Variants in TNRC6B observed in about 807,000 individuals in gnomAD.
TNRC6B encodes the protein trinucleotide repeat-containing gene 6B protein.
TNRC6B carries 52 observed loss-of-function variants against 203.6 expected under a neutral mutation model. The ratio of observed to expected loss-of-function variants is 0.26; its 90% CI spans 0.20 to 0.32. The LOEUF is 0.32. Ranked by LOEUF, TNRC6B falls within the 10% of genes least tolerant of loss-of-function variation. The probability of loss-of-function intolerance (pLI) is 1.00; values close to 1 mark genes in which losing one functional copy is unlikely to be tolerated. For synonymous variants in TNRC6B, 838 were observed against 845.7 expected (o/e 0.99, Z 0.16); for missense variants, 1,923 against 2,286.2 (o/e 0.84, Z 3.24).
chr22:40,048,571 C>G lies in TNRC6B; in HGVS notation c.-121+3573C>G, dbSNP rs1256033266. Among the ~76,000 whole-genome samples, 5 of 151,874 alleles carry G rather than the reference C, an allele frequency of 3.3e-5. No homozygotes were observed. The East Asian group carries it at 9.7e-4, about 29-fold the overall frequency. ...AAAAAAAAAAAAAATTTCCAAAACT[C>G]TCTCTTCAGGTTTCATCCTTTTCTG... is the stretch of plus-strand genomic sequence containing the variant. On this transcript the variant is annotated intron_variant, in intron 1 of 23. Transcript: ENST00000301923.
chr22:40,287,661 A>G (rs942390146), intron 12 of TNRC6B, among the ~76,000 whole-genome samples: 4 of 152,194 alleles, frequency 2.6e-5, no homozygotes, highest in African/African-American at 7.2e-5. Context: ...TGGAGCATAC[A>G]CATACTTTAC....
intron 15 of TNRC6B, 86 bp downstream of exon 15, chr22:40,301,419 T>C: frequency 7.4e-7 from 1 of 1,356,052 alleles, no homozygotes; most frequent in Non-Finnish European, 1.0e-6. Context: ...TACCCTCCTT[T>C]TTTATGTCAG....
chr22:40,274,311 G>A lies in TNRC6B; in HGVS notation c.3141+711G>A, dbSNP rs536426780. ...TGGCTTCTCCCGCGGCAATCAGCAC[G>A]TCTTGATTTTATCTGATTTGGGAAA... On this transcript the variant is annotated intron_variant, in intron 7 of 22. Coordinates refer to ENST00000454349, the MANE Select transcript of TNRC6B (RefSeq NM_001162501.2). Among the ~76,000 whole-genome samples, 321 of 152,208 alleles carry A rather than the reference G, an allele frequency of 2.1e-3. 1 individual carries two copies. The highest frequency in any genetic ancestry group is 3.7e-3 in the Non-Finnish European group (254 of 68,024).
At position 40,266,555 on chromosome 22, in the gene TNRC6B, A is replaced by G. The variant is rs2070483165; in HGVS notation, c.2325A>G (p.Gly775=). 1 of 1,613,626 alleles carries G rather than the reference A, an allele frequency of 6.2e-7. No homozygotes were observed. The highest frequency in any genetic ancestry group is 1.7e-5 in the Admixed American group (1 of 59,954). The part of the protein sequence containing the change: ...ASKPVSGWGE[G]GQNEIGTWGN... ...AACCTGTGTCTGGGTGGGGTGAAGG[A>G]GGGCAGAATGAAATCGGGACTTGGG... Residue 775 remains glycine, a synonymous_variant, in exon 5 of 23, where the codon GGA becomes GGG. Coordinates refer to ENST00000454349, the MANE Select transcript of TNRC6B (RefSeq NM_001162501.2).
chr22:40,130,294 C>T (rs901839783), intron 3 of TNRC6B, among the ~76,000 whole-genome samples: 11 of 152,012 alleles, frequency 7.2e-5, no homozygotes, highest in African/African-American at 2.7e-4. Context: ...TGTTTAATGG[C>T]GGAGGGAGTT....
At chr22:40,084,159 A>G (rs1440533112) in intron 1 of TNRC6B, among the ~76,000 whole-genome samples, 1 of 152,210 alleles carries the variant, frequency 6.6e-6, no homozygotes, top group African/African-American at 2.4e-5. Context: ...AGTGATTATA[A>G]TGATTAACTA....
chr22:40,210,527 A>G (rs1448718973), intron 1 of TNRC6B, among the ~76,000 whole-genome samples: 1 of 152,200 alleles, frequency 6.6e-6, no homozygotes, highest in South Asian at 2.1e-4. Context: ...AACTGTTAAC[A>G]CTTTGGTAAA....
intron 3 of TNRC6B, chr22:40,253,532 C>T: frequency 2.2e-6 from 1 of 452,966 alleles, no homozygotes; most frequent in Admixed American, 2.4e-5. Flanking sequence ...TGGGGGCTTT[C>T]TCATACCTAC....
At chr22:40,098,554 A>T (rs2068205856) in intron 1 of TNRC6B, among the ~76,000 whole-genome samples, 1 of 152,086 alleles carries the variant, frequency 6.6e-6, no homozygotes, top group African/African-American at 2.4e-5. Flanking sequence ...TTTTAATCAA[A>T]ATTGTTCTAA....
chr22:40,271,069 A>G (rs937081735), intron 6 of TNRC6B, among the ~76,000 whole-genome samples: 6 of 152,146 alleles, frequency 3.9e-5, no homozygotes, highest in Admixed American at 6.5e-5. Context: ...TTTCACTTCA[A>G]TTTTTTAAAT....
rs541907599 is a variant in TNRC6B at position 40,178,870 on chromosome 22, A to G, written c.5+730A>G. On this transcript the variant is annotated intron_variant, in intron 1 of 22. Coordinates refer to ENST00000454349, the MANE Select transcript of TNRC6B (RefSeq NM_001162501.2). ...CTGGATTCAACCAAAGGGTAGGACT[A>G]TGTTGTAAACATGGTGTTTTAAAGA... 7.9e-5 allele frequency among the ~76,000 whole-genome samples: 12 copies of G among 152,324 alleles called. No homozygotes were observed. The South Asian group carries it at 1.9e-3, about 24-fold the overall frequency.
At chr22:40,170,819 G>GTGTGTATATATACATATATGTACATATA (rs2068981789) in intron 4 of TNRC6B, among the ~76,000 whole-genome samples, 5 of 33,646 alleles carry the variant, frequency 1.5e-4, no homozygotes, top group Admixed American at 5.9e-4. Context: ...GTACATATAT[G>GTGTGTATATATACATATATGTACATATA]TGTGTGTATA....
At chr22:40,052,353 G>A (rs1310762794) in intron 1 of TNRC6B, among the ~76,000 whole-genome samples, 1 of 151,376 alleles carries the variant, frequency 6.6e-6, no homozygotes, top group Non-Finnish European at 1.5e-5. Flanking sequence ...AATAAGAATC[G>A]GTGTCTGATG....
At chr22:40,267,058 C>T (rs1486288528) in intron 5 of TNRC6B, 22 bp downstream of exon 5, 2 of 1,516,978 alleles carry the variant, frequency 1.3e-6, no homozygotes, top group East Asian at 2.3e-5. Context: ...CTTTCTCTTG[C>T]AGCTTTTGAT....
intron 5 of TNRC6B, among the ~76,000 whole-genome samples, chr22:40,268,640 G>C (rs150804670): frequency 1.1e-4 from 17 of 152,108 alleles, no homozygotes; most frequent in African/African-American, 3.9e-4. Context: ...GGCCAGGCGC[G>C]GTGGCTCACG....
intron 4 of TNRC6B, among the ~76,000 whole-genome samples, chr22:40,163,357 C>G (rs999638254): frequency 2.0e-4 from 29 of 142,434 alleles, no homozygotes; most frequent in African/African-American, 7.1e-4. Context: ...AAGATCACAC[C>G]ACTGCACTCT....
At chr22:40,161,531 G>C (rs2068871555) in intron 4 of TNRC6B, among the ~76,000 whole-genome samples, 1 of 152,128 alleles carries the variant, frequency 6.6e-6, no homozygotes, top group Non-Finnish European at 1.5e-5. Context: ...ATTATTTTCT[G>C]TGATGTTTAT....
chr22:40,323,261 G>C lies in TNRC6B; in HGVS notation c.*20G>C. On this transcript the variant is annotated 3_prime_UTR_variant, in exon 23 of 23. Coordinates refer to ENST00000454349, the MANE Select transcript of TNRC6B (RefSeq NM_001162501.2). ...ATCTGAACTTAGAACTTTCAACTCT[G>C]ACCTCGTGACCTTTTTTGGAACAGC... 1 of 1,591,010 alleles carries C rather than the reference G, an allele frequency of 6.3e-7. No homozygotes were observed. Among genetic ancestry groups the C allele is most frequent in the East Asian group, 2.2e-5 (1 of 44,692 alleles).
intron 1 of TNRC6B, among the ~76,000 whole-genome samples, chr22:40,212,670 T>C (rs1223071738): frequency 6.6e-6 from 1 of 152,216 alleles, no homozygotes; most frequent in African/African-American, 2.4e-5. Context: ...ATTATTTTTA[T>C]TTTTATTTTT....
Sources: allele counts gnomAD v4.1 joint callset (sites outside exome capture counted in the v4.1 genomes callset), GRCh38; gene constraint gnomAD v4.1.1; transcripts MANE v1.5; gene names NCBI Gene and HGNC (gene_info 2026-07-23, HGNC 2026-07-21).